The following CD22 variants were observed in gnomAD, a reference collection of about 807,000 sequenced individuals.
CD22 encodes the protein B-cell receptor CD22.
A neutral mutation model predicts 94.7 loss-of-function variants in CD22; 51 were observed. That is an observed-to-expected ratio of 0.54 (90% CI 0.43 to 0.68). CD22 has a LOEUF of 0.68. CD22 is among the 30% of genes least tolerant of loss of function. The pLI, the probability that CD22 is intolerant of heterozygous loss-of-function variation, is 0.00. For synonymous variants in CD22, 424 were observed against 422.5 expected (o/e 1.00, Z -0.04); for missense variants, 931 against 1,060.4 (o/e 0.88, Z 1.69).
intron 1 of CD22, among the ~76,000 whole-genome samples, chr19:35,330,414 T>C (rs959400721): frequency 6.6e-6 from 1 of 152,244 alleles, no homozygotes; most frequent in African/African-American, 2.4e-5. Flanking sequence ...AAGATGTTTT[T>C]TGCATGTGAC....
intron 3 of CD22, 148 bp from the exon 4 acceptor site, chr19:35,335,885 TAAC>T (rs1381800129): frequency 9.0e-6 from 6 of 663,126 alleles, no homozygotes; most frequent in South Asian, 1.9e-5. Flanking sequence ...ACAACAACAA[TAAC>T]AACAAAAAAA....
At chr19:35,345,420 CA>C (rs61349223) in intron 11 of CD22, 181 bp from the exon 12 acceptor site, 23,638 of 154,642 alleles carry the variant, frequency 0.15, 78 homozygotes, top group East Asian at 0.18. Context: ...GACTCTGCCT[CA>C]AAAAAAAAAA....
rs759830017 is a variant in CD22, at chr19:35,346,277, AG to A, written c.2412+44del. On this transcript the variant is annotated intron_variant, in intron 13 of 13. Transcript: ENST00000085219. ...CAGGTCTCCCCAGAGGGGCTGTGGA[AG>A]GCTGGGGACAGGGCCTGGCCTCAGT... 9.8e-6 allele frequency: 15 copies of A among 1,536,940 alleles called. No homozygotes were observed. The South Asian group carries it at 1.7e-4, about 17-fold the overall frequency.
chr19:35,337,107 C>T lies in CD22; in HGVS notation c.719-648C>T, dbSNP rs1778939274. Among the ~76,000 whole-genome samples, 1 of 152,118 alleles carries T rather than the reference C, an allele frequency of 6.6e-6. No homozygotes were observed. The highest frequency in any genetic ancestry group is 2.4e-5 in the African/African-American group (1 of 41,418). Reference sequence around the variant, plus strand: ...ACAAAAAATTAGCCAGGCATGATGGCAGGCGCCTGTAGTCCCAGCTACTTG... The same window carrying T: ...ACAAAAAATTAGCCAGGCATGATGGTAGGCGCCTGTAGTCCCAGCTACTTG... On this transcript the variant is annotated intron_variant, in intron 4 of 13. Coordinates refer to ENST00000085219, the MANE Select transcript of CD22 (RefSeq NM_001771.4). The surrounding 1 kb of genome is among the most constrained non-coding windows in gnomAD (Gnocchi z 4.4).
intron 1 of CD22, chr19:35,329,993 T>TA (rs1417994474): frequency 2.6e-5 from 4 of 152,172 alleles, no homozygotes; most frequent in Non-Finnish European, 5.9e-5. Context: ...ATGGTGTAGA[T>TA]AGAGTTTACT....
intron 9 of CD22, among the ~76,000 whole-genome samples, chr19:35,343,099 AT>A (rs762734941): frequency 0.044 from 5,850 of 132,804 alleles, 169 homozygotes; most frequent in East Asian, 0.17. Context: ...CACCCGGCTG[AT>A]TTTTTTTTTT....
chr19:35,338,026 GC>G lies in CD22; in HGVS notation c.985+9del. ...AAGTGTTCCTGCAAGTGCAGTGTGA[GC>G]CCCTCGGAGCTGGGGACAGGCCAGG... On this transcript the variant is annotated splice_donor_region_variant and intron_variant, in intron 5 of 13. Transcript: ENST00000085219. The G allele has an allele frequency of 6.2e-7, 1 of 1,602,616 alleles. No homozygotes were observed. The highest frequency in any genetic ancestry group is 8.5e-7 in the Non-Finnish European group (1 of 1,172,684).
rs1391982174 is a variant in CD22, at chr19:35,346,634, GT to G, written c.2484del (p.Phe828LeufsTer16). On this transcript the variant is annotated frameshift_variant, in exon 14 of 14. Transcript: ENST00000085219. LOFTEE classifies it high-confidence loss of function. ...GGATTCATTACTCAGAGCTGATCCA[GT>G]TTGGGGTCGGGGAGCGGCCTCAGGC... ...EGIHYSELIQ[F>X]GVGERPQAQE... 1 of 1,608,192 alleles carries G rather than the reference GT, an allele frequency of 6.2e-7. No homozygotes were observed.
In CD22 at chr19:35,337,707, C is replaced by T. The variant is rs1012584474; in HGVS notation, c.719-48C>T. 2.6e-6 allele frequency: 4 copies of T among 1,531,578 alleles called. No homozygotes were observed. Among genetic ancestry groups the T allele is most frequent in the African/African-American group, 1.4e-5 (1 of 73,662 alleles). The allele number at this position is 1,531,578 out of a possible 1,614,324, so 94.9% of individuals were successfully genotyped here. ...AAAAGCACTTTCCACACCCTCCACC[C>T]TCTGAGGATTCCCCGCCCCCTCCCC... On this transcript the variant is annotated intron_variant, in intron 4 of 13. Coordinates refer to ENST00000085219, the MANE Select transcript of CD22 (RefSeq NM_001771.4). This position sits in a 1 kb window ranked among gnomAD's most constrained non-coding sequence, Gnocchi z 4.4.
chr19:35,342,743 T>A (rs1467045241), intron 9 of CD22, among the ~76,000 whole-genome samples: 2 of 152,296 alleles, frequency 1.3e-5, no homozygotes, highest in East Asian at 3.9e-4. Flanking sequence ...ACTGGGTCCC[T>A]GTCTCTCTCT....
intron 6 of CD22, among the ~76,000 whole-genome samples, chr19:35,340,065 C>T (rs527277532): frequency 6.6e-6 from 1 of 152,106 alleles, no homozygotes; most frequent in Non-Finnish European, 1.5e-5. Flanking sequence ...CACATAAGCT[C>T]GATCCTTGGA....
chr19:35,346,379 G>A, intron 13 of CD22, 144 bp downstream of exon 13: 1 of 1,088,804 alleles, frequency 9.2e-7, no homozygotes. Context: ...GGTTGCTCCG[G>A]CAGAGCTGGC....
At chr19:35,331,887 A>T (rs2066650183) in intron 1 of CD22, 132 bp from the exon 2 acceptor site, 1 of 1,535,952 alleles carries the variant, frequency 6.5e-7, no homozygotes, top group Admixed American at 2.1e-5. Context: ...CAAATGCCAC[A>T]TCCCCATAAT....
At chr19:35,334,304 G>A (rs564784635) in intron 3 of CD22, among the ~76,000 whole-genome samples, 4 of 152,144 alleles carry the variant, frequency 2.6e-5, no homozygotes, top group Non-Finnish European at 4.4e-5. Flanking sequence ...GAGTCAGGAT[G>A]TAAGTTAAAC....
chr19:35,332,827 T>C lies in CD22; in HGVS notation c.315T>C (p.Ser105=), dbSNP rs752581963. The C allele has an allele frequency of 1.2e-6, 2 of 1,614,098 alleles. No individual in the cohort carries two copies. Among genetic ancestry groups the C allele is most frequent in the South Asian group, 2.2e-5 (2 of 91,082 alleles). ...LGDKNKNCTL[S]IHPVHLNDSG... ...ACAAGAATAAGAACTGCACACTGAG[T>C]ATCCACCCGGTGCACCTCAATGACA... Residue 105 remains serine (S), a synonymous_variant, in exon 3 of 14, where the codon AGT becomes AGC. Coordinates refer to ENST00000085219, the MANE Select transcript of CD22 (RefSeq NM_001771.4).
chr19:35,335,232 C>T (rs2066703544), intron 3 of CD22, among the ~76,000 whole-genome samples: 3 of 149,128 alleles, frequency 2.0e-5, no homozygotes, highest in Non-Finnish European at 3.0e-5. Flanking sequence ...GAGGGGATTT[C>T]GGGTGAGCAA....
intron 9 of CD22, among the ~76,000 whole-genome samples, chr19:35,342,607 T>G (rs1002756267): frequency 3.9e-5 from 6 of 152,090 alleles, no homozygotes; most frequent in Admixed American, 3.9e-4. Flanking sequence ...CATCTGCCGC[T>G]GTGCTGGAGG....
rs756761494 is a variant in CD22 at position 35,346,139 on chromosome 19, C to G, written c.2328-12C>G. On this transcript the variant is annotated splice_polypyrimidine_tract_variant and intron_variant, in intron 12 of 13. Transcript: ENST00000085219. ...GCTTCATGCGTGGTCGTCTATCTGC[C>G]CTGTCTCTCAGAGATGCAGAGTCCT... is the stretch of plus-strand genomic sequence containing the variant. 1.2e-6 allele frequency: 2 copies of G among 1,605,942 alleles called. No individual in the cohort carries two copies. The highest frequency in any genetic ancestry group is 2.2e-5 in the South Asian group (2 of 90,976).
chr19:35,332,659 A>G lies in CD22; in HGVS notation c.147A>G (p.Leu49=), dbSNP rs573917789. 1.1e-4 allele frequency: 173 copies of G among 1,614,134 alleles called. 2 individuals are homozygous for G. In the South Asian group the frequency reaches 1.6e-3, roughly 15 times the overall value. Residue 49 remains leucine (L), a synonymous_variant, in exon 3 of 14, where the codon CTA becomes CTG. Transcript: ENST00000085219. ...GGATCCCCTGCACCTACAGAGCCCTAGATGGTGACCTGGAAAGCTTCATCC... is the reference window on the plus strand; with the variant it reads ...GGATCCCCTGCACCTACAGAGCCCTGGATGGTGACCTGGAAAGCTTCATCC... The part of the protein sequence containing the change: ...CVWIPCTYRA[L]DGDLESFILF...
Sources: allele counts gnomAD v4.1 joint callset (sites outside exome capture counted in the v4.1 genomes callset), GRCh38; gene constraint gnomAD v4.1.1; non-coding constraint Gnocchi (gnomAD v3.1); transcripts MANE v1.5; gene names NCBI Gene and HGNC (gene_info 2026-07-23, HGNC 2026-07-21).